Variants in FOXM1 observed in about 807,000 individuals in gnomAD.
The protein encoded by FOXM1 is forkhead box protein M1.
FOXM1 carries 25 observed loss-of-function variants against 63.6 expected under a neutral mutation model. The ratio of observed to expected loss-of-function variants is 0.39; its 90% confidence interval spans 0.29 to 0.55. The LOEUF (loss-of-function observed/expected upper bound fraction) is 0.55. Ranked by LOEUF, FOXM1 falls within the 20% of genes least tolerant of loss-of-function variation. The pLI is 0.60. For missense variants in FOXM1, 879 were observed against 958.7 expected (o/e 0.92, Z 1.10); for synonymous variants, 387 against 376.9 (o/e 1.03, Z -0.31).
rs1220472023 is a variant in FOXM1, at chr12:2,874,726, G to A, written c.-47-201C>T. Among the ~76,000 whole-genome samples the A allele has an allele frequency of 6.6e-6, 1 of 152,174 alleles. No homozygotes were observed. The highest frequency in any genetic ancestry group is 2.4e-5 in the African/African-American group (1 of 41,430). On this transcript the variant is annotated intron_variant, in intron 1 of 8. Transcript: ENST00000359843. This position sits in a 1 kb window ranked among gnomAD's most constrained non-coding sequence, Gnocchi z 4.3. ...AAGAAGGCTAAAATTACAGCAGACA[G>A]AAGCAATTCAAAGGGCAAAAATGGG...
At chr12:2,875,649 T>A (rs80175510) in intron 1 of FOXM1, among the ~76,000 whole-genome samples, 10,138 of 152,254 alleles carry the variant, frequency 0.067, 489 homozygotes, top group Middle Eastern at 0.11. Flanking sequence ...GAAATAAGAC[T>A]ATAACCCCTG....
At position 2,864,997 on chromosome 12, in the gene FOXM1, A is replaced by G. The variant is rs780504469; in HGVS notation, c.1021-245T>C. On this transcript the variant is annotated intron_variant, in intron 6 of 8. Coordinates refer to ENST00000359843, the MANE Select transcript of FOXM1 (RefSeq NM_021953.4). The surrounding 1 kb of genome is among the most constrained non-coding windows in gnomAD (Gnocchi z 5.1). The stretch of plus-strand genomic sequence containing the variant: ...ACTACCGCTTCACCCACGTGTCCTC[A>G]ACACCCCTGGGGGATGCCAGAGCAG... 1.7e-6 allele frequency: 1 copy of G among 595,524 alleles called. No homozygotes were observed. Among genetic ancestry groups the G allele is most frequent in the Non-Finnish European group, 3.0e-6 (1 of 332,528 alleles). The allele number at this position is 595,524 out of a possible 1,614,324, so 36.9% of individuals were successfully genotyped here.
At chr12:2,863,137 C>T (rs1175037194) in intron 8 of FOXM1, among the ~76,000 whole-genome samples, 1 of 152,106 alleles carries the variant, frequency 6.6e-6, no homozygotes, top group Non-Finnish European at 1.5e-5. Context: ...TGGATTGCCG[C>T]GCCTGTGGTG....
chr12:2,865,522 C>A (rs560221045), intron 5 of FOXM1, 123 bp from the exon 6 acceptor site: 1 of 694,586 alleles, frequency 1.4e-6, no homozygotes, highest in African/African-American at 1.8e-5. Context: ...CAGACAACTG[C>A]CCCTCCCAGG....
At chr12:2,871,937 G>A (rs544006531) in intron 3 of FOXM1, among the ~76,000 whole-genome samples, 159 bp downstream of exon 3, 1 of 152,254 alleles carries the variant, frequency 6.6e-6, no homozygotes, top group East Asian at 1.9e-4. Context: ...AAAGATCCCA[G>A]GCAGAAAAAT....
In FOXM1 at chr12:2,871,398, G is replaced by A. The variant is rs1370645949; in HGVS notation, c.654+698C>T. The stretch of plus-strand genomic sequence containing the variant: ...CTGGTGGTTCACGCCTGTAATCCCA[G>A]CCCTTTGGGAGGCTGAGGCAGGAGG... On this transcript the variant is annotated intron_variant, in intron 3 of 8. Transcript: ENST00000359843. Among the ~76,000 whole-genome samples the A allele has an allele frequency of 7.2e-5, 11 of 152,270 alleles. No homozygotes were observed. The South Asian group carries it at 2.3e-3, about 32-fold the overall frequency.
intron 3 of FOXM1, among the ~76,000 whole-genome samples, chr12:2,869,638 T>C (rs1225037036): frequency 1.3e-5 from 2 of 152,016 alleles, no homozygotes; most frequent in African/African-American, 2.4e-5. Flanking sequence ...GGGTTTACCA[T>C]ATTGGCCAGG....
In FOXM1 at chr12:2,872,067, T is replaced by G. The variant is rs28990694; in HGVS notation, c.654+29A>C. On this transcript the variant is annotated intron_variant, in intron 3 of 8. Transcript: ENST00000359843. This position sits in a 1 kb window ranked among gnomAD's most constrained non-coding sequence, Gnocchi z 4.0. ...TAGGAATTCCCTACACTGGATCTGA[T>G]TTCTTTAGTGAGGGACGGAACAATT... 3,641 of 1,613,252 alleles carry G rather than the reference T, an allele frequency of 2.3e-3. 66 individuals carry two copies. The African/African-American group carries it at 0.042, about 18-fold the overall frequency.
At chr12:2,861,916 C>T (rs1397207681) in intron 8 of FOXM1, among the ~76,000 whole-genome samples, 1 of 152,016 alleles carries the variant, frequency 6.6e-6, no homozygotes, top group Non-Finnish European at 1.5e-5. Flanking sequence ...CGTGGTGGGT[C>T]ATTCCTGTAA....
At position 2,858,366 on chromosome 12, in the gene FOXM1, T is replaced by C; in HGVS notation, c.*272A>G. The C allele has an allele frequency of 2.3e-6, 1 of 433,778 alleles. No individual in the cohort carries two copies. Among genetic ancestry groups the C allele is most frequent in the Non-Finnish European group, 4.1e-6 (1 of 242,032 alleles). 26.9% of individuals were successfully genotyped at this position (433,778 alleles called of 1,614,324 possible). On this transcript the variant is annotated 3_prime_UTR_variant, in exon 9 of 9. Transcript: ENST00000359843. ...TGCTGGGCAGAGAATGGAAACAGGC[T>C]GGGGGGTTCCTAATCTCTTTTCACC...
chr12:2,867,830 T>C (rs1436480890), intron 4 of FOXM1, among the ~76,000 whole-genome samples: 2 of 149,464 alleles, frequency 1.3e-5, no homozygotes, highest in South Asian at 2.1e-4. Context: ...ACAAAAAAAT[T>C]AGCCAGGCGT....
Position 2,866,384 on chromosome 12 carries a change from G to T in FOXM1, c.975+9C>A. ...TTAGGCCCTATTTAGAGGAAAGCAG[G>T]GCATTCACCTTAAACACCTGGTCCA... On this transcript the variant is annotated intron_variant, in intron 5 of 8. Transcript: ENST00000359843. 1 of 1,448,062 alleles carries T rather than the reference G, an allele frequency of 6.9e-7. No individual in the cohort carries two copies. Among genetic ancestry groups the T allele is most frequent in the Non-Finnish European group, 9.1e-7 (1 of 1,095,962 alleles). The allele number at this position is 1,448,062 out of a possible 1,614,324, so 89.7% of individuals were successfully genotyped here.
Position 2,873,982 on chromosome 12 carries a change from G to A in FOXM1, c.497C>T (p.Thr166Ile), listed in dbSNP as rs371297304. The A allele has an allele frequency of 1.2e-6, 2 of 1,611,194 alleles. No individual in the cohort carries two copies. Among genetic ancestry groups the A allele is most frequent in the African/African-American group, 2.7e-5 (2 of 74,834 alleles). Residue 166 changes from threonine (T) to isoleucine (I), a missense_variant, in exon 2 of 9, where the codon ACC (threonine) becomes ATC (isoleucine). By Grantham distance (89) the Thr-to-Ile change is moderately conservative. This residue lies in a region of FOXM1 where 255 missense variants were observed against 292.4 expected (regional missense o/e 0.87). Transcript: ENST00000359843. ...PGALCEQKRE[T>I]CADGEAAGCT... ...TTCCCTGGAAGACCACATACCACAG[G>A]TCTCCCGTTTCTGCTCGCAAAGGGC...
chr12:2,865,010 GA>G (rs1353641998), intron 6 of FOXM1: 1 of 586,278 alleles, frequency 1.7e-6, no homozygotes, highest in East Asian at 2.8e-5. Context: ...ACCCCTGGGG[GA>G]TGCCAGAGCA....
chr12:2,858,658 A>G lies in FOXM1; in HGVS notation c.2272T>C (p.Phe758Leu), dbSNP rs777218935. The change falls in exon 9 of 9, where the codon TTT becomes CTT. Residue 758 changes from phenylalanine (F) to leucine (L), a missense_variant. By Grantham distance (22) the Phe-to-Leu change is conservative (BLOSUM62 0). Around this residue, in one of 4 missense-constraint regions of FOXM1, gnomAD observed 486 missense variants for 453.5 expected, o/e 1.07. Coordinates refer to ENST00000359843, the MANE Select transcript of FOXM1 (RefSeq NM_021953.4). ...GGGCTCTACTGTAGCTCAGGAATAA[A>G]CTGGGACCAGTTGATGTTGTCAGGG... ...LGPDNINWSQ[F>L]IPELQ The G allele has an allele frequency of 6.2e-6, 10 of 1,614,046 alleles. No individual in the cohort carries two copies. Among genetic ancestry groups the G allele is most frequent in the Non-Finnish European group, 6.8e-6 (8 of 1,179,988 alleles).
In FOXM1 at chr12:2,864,857, A is replaced by C; in HGVS notation, c.1021-105T>G. The C allele has an allele frequency of 7.7e-7, 1 of 1,298,836 alleles. No individual in the cohort carries two copies. The highest frequency in any genetic ancestry group is 1.1e-6 in the Non-Finnish European group (1 of 897,640). 80.5% of individuals were successfully genotyped at this position (1,298,836 alleles called of 1,614,324 possible). ...TGCTCTGGTGGTGTGTGCTTGAGTT[A>C]ATGACAGCCCAGAGAGAGGAGGCCA... On this transcript the variant is annotated intron_variant, in intron 6 of 8. Coordinates refer to ENST00000359843, the MANE Select transcript of FOXM1 (RefSeq NM_021953.4). The surrounding 1 kb of genome is among the most constrained non-coding windows in gnomAD (Gnocchi z 5.1).
chr12:2,861,273 CAT>C, intron 8 of FOXM1: 1 of 713,798 alleles, frequency 1.4e-6, no homozygotes, highest in Non-Finnish European at 2.5e-6. Flanking sequence ...AGTCACCAAA[CAT>C]AATGACAAGG....
chr12:2,875,727 C>T (rs1297283672), intron 1 of FOXM1, among the ~76,000 whole-genome samples: 6 of 144,686 alleles, frequency 4.1e-5, no homozygotes, highest in Admixed American at 1.4e-4. Flanking sequence ...ACAGTGTAGT[C>T]TTTTTTTTTT....
At chr12:2,868,197 A>T (rs942496191) in intron 4 of FOXM1, 1 of 163,516 alleles carries the variant, frequency 6.1e-6, no homozygotes, top group African/African-American at 2.4e-5. Flanking sequence ...AGGAGATGAC[A>T]TCTTGGGTCA....
Sources: allele counts gnomAD v4.1 joint callset (sites outside exome capture counted in the v4.1 genomes callset), GRCh38; gene constraint gnomAD v4.1.1; regional missense constraint gnomAD v4.1.1; non-coding constraint Gnocchi (gnomAD v3.1); transcripts MANE v1.5; gene names NCBI Gene and HGNC (gene_info 2026-07-23, HGNC 2026-07-21).